ADARB1: variants seen among roughly 807,000 people sequenced by gnomAD.
The protein encoded by ADARB1 is double-stranded RNA-specific editase 1.
ADARB1 carries 10 observed loss-of-function variants against 52.4 expected under a neutral mutation model. The observed-to-expected ratio is 0.19, with a 90% CI of 0.12 to 0.32. The LOEUF (loss-of-function observed/expected upper bound fraction) is 0.32, where lower values mean the gene tolerates loss of function less well. ADARB1 is among the 10% of genes least tolerant of loss of function. The pLI is 1.00. For missense variants in ADARB1, 643 were observed against 922.3 expected (o/e 0.70, Z 3.92); for synonymous variants, 349 against 371.1 (o/e 0.94, Z 0.68).
intron 9 of ADARB1, among the ~76,000 whole-genome samples, chr21:45,213,532 G>C (rs1015722338): frequency 1.3e-5 from 2 of 152,086 alleles, no homozygotes; most frequent in Admixed American, 6.5e-5. Flanking sequence ...AATTGTCTTA[G>C]TACTCCTTCA....
chr21:45,129,311 T>C (rs909418208), intron 2 of ADARB1, among the ~76,000 whole-genome samples: 3 of 152,228 alleles, frequency 2.0e-5, no homozygotes, highest in African/African-American at 7.2e-5. Context: ...AGAGAAGTTG[T>C]GACAAATACT....
intron 9 of ADARB1, among the ~76,000 whole-genome samples, chr21:45,212,498 A>G (rs1352684150): frequency 1.3e-5 from 2 of 152,144 alleles, no homozygotes; most frequent in Non-Finnish European, 2.9e-5. Flanking sequence ...CCACCCCAGC[A>G]GCAATCAGTA....
chr21:45,204,446 G>T lies in ADARB1; in HGVS notation c.1566-109G>T. The T allele has an allele frequency of 1.9e-6, 2 of 1,058,778 alleles. No homozygotes were observed. Among genetic ancestry groups the T allele is most frequent in the Non-Finnish European group, 2.8e-6 (2 of 719,418 alleles). 65.6% of individuals were successfully genotyped at this position (1,058,778 alleles called of 1,614,324 possible). On this transcript the variant is annotated intron_variant, in intron 8 of 10. Coordinates refer to ENST00000348831, the MANE Select transcript of ADARB1 (RefSeq NM_001112.4). This position sits in a 1 kb window ranked among gnomAD's most constrained non-coding sequence, Gnocchi z 4.4. ...TGTTGCACTCCTTCGTCAGTTGGTT[G>T]GGATCCTGCGGAATTGCCAGTGCAT... is the stretch of plus-strand genomic sequence containing the variant.
Position 45,220,928 on chromosome 21 carries a change from G to A in ADARB1, c.1840G>A (p.Ala614Thr), listed in dbSNP as rs188207954. ...VGDSAIEVINATTGKDELGRA... is the reference protein window; with the variant it reads ...VGDSAIEVINTTTGKDELGRA... ...CGACTCCGCTATTGAGGTCATCAAC[G>A]CCACGACTGGGAAGGATGAGCTGGG... The change falls in exon 10 of 11, where the codon GCC (alanine) becomes ACC (threonine). Residue 614 changes from alanine to threonine, a missense_variant. Physicochemically the swap from Ala to Thr is moderately conservative, Grantham distance 58. Around this residue, in one of 2 missense-constraint regions of ADARB1, gnomAD observed 263 missense variants for 475.8 expected, o/e 0.55. Transcript: ENST00000348831. The surrounding 1 kb of genome is among the most constrained non-coding windows in gnomAD (Gnocchi z 6.3). 2.0e-5 allele frequency: 33 copies of A among 1,613,440 alleles called. No individual in the cohort carries two copies. Among genetic ancestry groups the A allele is most frequent in the African/African-American group, 2.7e-5 (2 of 75,054 alleles).
At chr21:45,099,391 TG>T (rs1475930137) in intron 1 of ADARB1, among the ~76,000 whole-genome samples, 3 of 152,102 alleles carry the variant, frequency 2.0e-5, no homozygotes, top group Non-Finnish European at 4.4e-5. Context: ...CTGGGCGCGG[TG>T]GGTGGCTCAC....
intron 2 of ADARB1, among the ~76,000 whole-genome samples, chr21:45,161,480 T>C (rs997980434): frequency 1.3e-5 from 2 of 152,210 alleles, no homozygotes; most frequent in African/African-American, 4.8e-5. Flanking sequence ...AGGGCAGTGC[T>C]GACATGCCAG....
At chr21:45,139,471 C>T (rs1005873826) in intron 2 of ADARB1, among the ~76,000 whole-genome samples, 8 of 151,998 alleles carry the variant, frequency 5.3e-5, no homozygotes, top group South Asian at 4.1e-4. Flanking sequence ...TTTTTTGGCT[C>T]CGTTTTCTCT....
intron 2 of ADARB1, chr21:45,136,975 A>T (rs1338907009): frequency 6.6e-6 from 1 of 152,272 alleles, no homozygotes; most frequent in African/African-American, 2.4e-5. Context: ...TACACAATTA[A>T]CCACAGAAGT....
intron 1 of ADARB1, among the ~76,000 whole-genome samples, chr21:45,115,691 G>A (rs997397141): frequency 4.0e-4 from 61 of 152,248 alleles, no homozygotes; most frequent in African/African-American, 1.4e-3. Context: ...TAAAATTTGT[G>A]TCCATTAAAC....
At chr21:45,216,611 G>T (rs546669543) in intron 9 of ADARB1, among the ~76,000 whole-genome samples, 2 of 151,998 alleles carry the variant, frequency 1.3e-5, no homozygotes, top group South Asian at 4.1e-4. Context: ...ATTAGACTTG[G>T]TTTTATGGAC....
Position 45,204,389 on chromosome 21 carries a change from T to A in ADARB1, c.1566-166T>A, listed in dbSNP as rs1254477220. On this transcript the variant is annotated intron_variant, in intron 8 of 10. Coordinates refer to ENST00000348831, the MANE Select transcript of ADARB1 (RefSeq NM_001112.4). This position sits in a 1 kb window ranked among gnomAD's most constrained non-coding sequence, Gnocchi z 4.4. ...TTTAAGTAGATTTTTGTCTTTGTGATCGTAAGCTGCTAAATCAGTCTGTTA... is the reference window on the plus strand; with the variant it reads ...TTTAAGTAGATTTTTGTCTTTGTGAACGTAAGCTGCTAAATCAGTCTGTTA... 6.6e-6 allele frequency among the ~76,000 whole-genome samples: 1 copy of A among 152,234 alleles called. No individual in the cohort carries two copies. The highest frequency in any genetic ancestry group is 1.5e-5 in the Non-Finnish European group (1 of 68,046).
At chr21:45,138,127 A>G (rs2145880154) in intron 2 of ADARB1, among the ~76,000 whole-genome samples, 1 of 152,348 alleles carries the variant, frequency 6.6e-6, no homozygotes, top group East Asian at 1.9e-4. Context: ...GATTGGCTAT[A>G]AGTGACAGAG....
At position 45,222,317 on chromosome 21, in the gene ADARB1, G is replaced by C; in HGVS notation, c.*120G>C. ...GGGGAGGGAGTAGGGGGACACGGGG[G>C]ACCACCAGGTGTCCACGGTTGTCCC... On this transcript the variant is annotated 3_prime_UTR_variant, in exon 11 of 11. Transcript: ENST00000348831. The C allele has an allele frequency of 7.1e-7, 1 of 1,401,742 alleles. No individual in the cohort carries two copies. Among genetic ancestry groups the C allele is most frequent in the Middle Eastern group, 2.6e-4 (1 of 3,808 alleles). 86.8% of individuals were successfully genotyped at this position (1,401,742 alleles called of 1,614,324 possible). A position where few individuals can be genotyped will look rare whatever the true frequency, so the allele number is the denominator to read the frequency against.
intron 2 of ADARB1, among the ~76,000 whole-genome samples, chr21:45,168,371 G>A (rs2091338973): frequency 6.6e-6 from 1 of 152,114 alleles, no homozygotes; most frequent in Admixed American, 6.5e-5. Flanking sequence ...CTTTTGGTGT[G>A]AAGTCTAAAA....
At chr21:45,160,929 T>C (rs1306845863) in intron 2 of ADARB1, among the ~76,000 whole-genome samples, 1 of 152,276 alleles carries the variant, frequency 6.6e-6, no homozygotes, top group Non-Finnish European at 1.5e-5. Context: ...AATATATTTC[T>C]GTAAGAATTA....
chr21:45,081,515 C>G (rs2086149263), intron 1 of ADARB1, among the ~76,000 whole-genome samples: 1 of 152,204 alleles, frequency 6.6e-6, no homozygotes, highest in African/African-American at 2.4e-5. Flanking sequence ...GTAGGCTAGG[C>G]TAAGCTTTGA....
rs965361658 is a variant in ADARB1 at position 45,204,348 on chromosome 21, A to G, written c.1566-207A>G. On this transcript the variant is annotated intron_variant, in intron 8 of 10. Coordinates refer to ENST00000348831, the MANE Select transcript of ADARB1 (RefSeq NM_001112.4). The surrounding 1 kb of genome is among the most constrained non-coding windows in gnomAD (Gnocchi z 4.4). ...GGAAAACGTAATGGTAAAAACAAAC[A>G]CAGTGTAAAATAACTTTTAAGTAGA... Among the ~76,000 whole-genome samples the G allele has an allele frequency of 6.6e-6, 1 of 152,210 alleles. No homozygotes were observed. The highest frequency in any genetic ancestry group is 2.4e-5 in the African/African-American group (1 of 41,434).
intron 2 of ADARB1, among the ~76,000 whole-genome samples, chr21:45,136,477 C>T (rs894250630): frequency 3.3e-5 from 5 of 152,186 alleles, no homozygotes; most frequent in African/African-American, 9.7e-5. Flanking sequence ...GCTGTGGAGT[C>T]GTGATGTTTG....
intron 4 of ADARB1, among the ~76,000 whole-genome samples, chr21:45,179,733 C>T (rs1178986131): frequency 3.3e-5 from 5 of 151,952 alleles, no homozygotes; most frequent in African/African-American, 7.3e-5. Context: ...TGTGGAGAGG[C>T]TGGAATGACT....
Sources: allele counts gnomAD v4.1 joint callset (sites outside exome capture counted in the v4.1 genomes callset), GRCh38; gene constraint gnomAD v4.1.1; regional missense constraint gnomAD v4.1.1; non-coding constraint Gnocchi (gnomAD v3.1); transcripts MANE v1.5; gene names NCBI Gene and HGNC (gene_info 2026-07-23, HGNC 2026-07-21).